KIF2A: variants seen among roughly 807,000 people sequenced by gnomAD.
KIF2A encodes kinesin family member 2A.
KIF2A carries 22 observed loss-of-function variants against 100.2 expected under a neutral mutation model. The ratio of observed to expected loss-of-function variants is 0.22; its 90% CI spans 0.16 to 0.31. The LOEUF (loss-of-function observed/expected upper bound fraction) is 0.31, where lower values mean the gene tolerates loss of function less well. Among genes scored for constraint, KIF2A ranks in the 10% least tolerant of loss-of-function variants. KIF2A has a pLI of 1.00. For synonymous variants in KIF2A, 268 were observed against 285.9 expected (o/e 0.94, Z 0.63); for missense variants, 495 against 898.7 (o/e 0.55, Z 5.74).
intron 16 of KIF2A, among the ~76,000 whole-genome samples, chr5:62,366,860 G>C (rs1440762663): frequency 1.3e-5 from 2 of 151,870 alleles, no homozygotes; most frequent in Admixed American, 6.6e-5. Context: ...ATATTTGATA[G>C]GGTAAATCTT....
At chr5:62,328,376 C>G (rs1343088814) in intron 1 of KIF2A, among the ~76,000 whole-genome samples, 1 of 147,130 alleles carries the variant, frequency 6.8e-6, no homozygotes, top group African/African-American at 2.5e-5. Flanking sequence ...CATATTACAT[C>G]GTGATTTTAG....
intron 1 of KIF2A, among the ~76,000 whole-genome samples, chr5:62,325,194 G>A (rs367572510): frequency 1.0e-3 from 158 of 151,850 alleles, no homozygotes; most frequent in African/African-American, 3.6e-3. Flanking sequence ...GCGTGATCTC[G>A]GCTCACTGAA....
At chr5:62,308,377 C>T in intron 1 of KIF2A, 2 of 1,484,998 alleles carry the variant, frequency 1.3e-6, no homozygotes, top group Non-Finnish European at 1.8e-6. Flanking sequence ...TCTGGGTGCA[C>T]AGCAACACCT....
At chr5:62,340,443 G>A (rs1747235958) in intron 1 of KIF2A, among the ~76,000 whole-genome samples, 1 of 152,148 alleles carries the variant, frequency 6.6e-6, no homozygotes, top group Admixed American at 6.5e-5. Context: ...TTTCTCAGGT[G>A]GATCAGAGAA....
chr5:62,339,765 C>CA (rs546300639), intron 1 of KIF2A, among the ~76,000 whole-genome samples: 1,905 of 118,308 alleles, frequency 0.016, 23 homozygotes, highest in African/African-American at 0.032. Flanking sequence ...TAGTATTGAG[C>CA]AAAAAAAAAA....
intron 18 of KIF2A, among the ~76,000 whole-genome samples, chr5:62,375,102 T>C (rs1000593385): frequency 1.3e-5 from 2 of 152,182 alleles, no homozygotes; most frequent in Non-Finnish European, 2.9e-5. Context: ...ATTTTTGATT[T>C]CCCAATTATA....
chr5:62,360,147 C>T (rs886237997), intron 9 of KIF2A, among the ~76,000 whole-genome samples: 2 of 151,116 alleles, frequency 1.3e-5, no homozygotes, highest in South Asian at 2.1e-4. Flanking sequence ...TGTGCCACCA[C>T]GTTCAGCTAA....
chr5:62,311,249 A>AT (rs1403371882), intron 1 of KIF2A, among the ~76,000 whole-genome samples: 2 of 152,180 alleles, frequency 1.3e-5, no homozygotes, highest in African/African-American at 4.8e-5. Flanking sequence ...ATTCTCTGTT[A>AT]TTTTGGAACC....
chr5:62,349,091 A>C (rs1402058503), intron 3 of KIF2A, among the ~76,000 whole-genome samples: 1 of 152,138 alleles, frequency 6.6e-6, no homozygotes, highest in Non-Finnish European at 1.5e-5. Context: ...GTTATTAGTT[A>C]CCACTTATAC....
At chr5:62,324,789 C>T (rs1746280035) in intron 1 of KIF2A, among the ~76,000 whole-genome samples, 1 of 152,168 alleles carries the variant, frequency 6.6e-6, no homozygotes, top group South Asian at 2.1e-4. Flanking sequence ...CCATTCTGGG[C>T]ATTGGCCTTA....
chr5:62,368,856 A>G (rs1442737686), intron 16 of KIF2A, among the ~76,000 whole-genome samples: 1 of 152,074 alleles, frequency 6.6e-6, no homozygotes, highest in Non-Finnish European at 1.5e-5. Context: ...TAAAGTTTGA[A>G]TTATGAGCTC....
chr5:62,324,858 A>G (rs1266300320), intron 1 of KIF2A, among the ~76,000 whole-genome samples: 2 of 152,124 alleles, frequency 1.3e-5, no homozygotes, highest in Non-Finnish European at 2.9e-5. Flanking sequence ...AAAAATGACA[A>G]ATAGGAGCTA....
rs1742026808 is a variant in KIF2A at position 62,386,409 on chromosome 5, A to G, written c.*840A>G. On this transcript the variant is annotated 3_prime_UTR_variant, in exon 21 of 21. Coordinates refer to ENST00000407818, the MANE Select transcript of KIF2A (RefSeq NM_001098511.3). ...GAAGAGTTTTATCTTAGGAAAATAC[A>G]TATATATGCAGTGTGTGTGCCAGTG... The G allele has an allele frequency of 6.6e-6, 1 of 152,252 alleles. No individual in the cohort carries two copies. The highest frequency in any genetic ancestry group is 1.5e-5 in the Non-Finnish European group (1 of 68,042). The allele number at this position is 152,252 out of a possible 1,614,324, so 9.4% of individuals were successfully genotyped here. A position where few individuals can be genotyped will look rare whatever the true frequency, so the allele number is the denominator to read the frequency against.
intron 16 of KIF2A, 95 bp downstream of exon 16, chr5:62,366,576 A>C: frequency 1.4e-6 from 1 of 733,122 alleles, no homozygotes; most frequent in Non-Finnish European, 2.3e-6. Context: ...TCACGCCTGT[A>C]ATCCTAGCAC....
chr5:62,376,544 C>T (rs1741556364), intron 18 of KIF2A, among the ~76,000 whole-genome samples: 2 of 151,898 alleles, frequency 1.3e-5, no homozygotes, highest in South Asian at 2.1e-4. Flanking sequence ...CTCAGCCTCC[C>T]GAGTAGCTGG....
At chr5:62,341,636 C>T (rs570011650) in intron 1 of KIF2A, among the ~76,000 whole-genome samples, 1 of 152,254 alleles carries the variant, frequency 6.6e-6, no homozygotes, top group East Asian at 1.9e-4. Context: ...TTGCCAATCT[C>T]TCTAGCCTGT....
chr5:62,366,417 G>A lies in KIF2A; in HGVS notation c.1582G>A (p.Ala528Thr). 6.4e-7 allele frequency: 1 copy of A among 1,567,158 alleles called. No individual in the cohort carries two copies. Among genetic ancestry groups the A allele is most frequent in the South Asian group, 1.2e-5 (1 of 86,184 alleles). The stretch of plus-strand genomic sequence containing the variant: ...TTGCATTTTTTTTTTCCTGTAGATT[G>A]CCACAATCTCTCCAGGAATGGCATC... ...IGENSRTCMI[A>T]TISPGMASCE... Residue 528 changes from alanine (A) to threonine (T), a missense_variant, in exon 16 of 21, where the codon GCC (alanine) becomes ACC (threonine). This residue lies in a region of KIF2A where 100 missense variants were observed against 138.2 expected (regional missense o/e 0.72). Transcript: ENST00000407818.
intron 1 of KIF2A, among the ~76,000 whole-genome samples, chr5:62,336,465 G>T (rs923626937): frequency 7.2e-5 from 11 of 152,134 alleles, no homozygotes; most frequent in Non-Finnish European, 1.6e-4. Flanking sequence ...TGATTGGTCA[G>T]TTATCTCACC....
intron 1 of KIF2A, among the ~76,000 whole-genome samples, 165 bp from the exon 2 acceptor site, chr5:62,346,965 G>A (rs922143006): frequency 1.1e-4 from 17 of 152,070 alleles, no homozygotes; most frequent in South Asian, 6.2e-4. Flanking sequence ...TTATGGCCCC[G>A]TGGACAAAGT....
Sources: allele counts gnomAD v4.1 joint callset (sites outside exome capture counted in the v4.1 genomes callset), GRCh38; gene constraint gnomAD v4.1.1; regional missense constraint gnomAD v4.1.1; transcripts MANE v1.5; gene names NCBI Gene and HGNC (gene_info 2026-07-23, HGNC 2026-07-21).